BIRC6: variants seen among roughly 807,000 people sequenced by gnomAD.
BIRC6 encodes baculoviral IAP repeat containing 6.
A neutral mutation model predicts 503.3 loss-of-function variants in BIRC6; 98 were observed. That is an observed-to-expected ratio of 0.19 (90% CI 0.17 to 0.23). The LOEUF (loss-of-function observed/expected upper bound fraction) is 0.23. Ranked by LOEUF, BIRC6 falls within the 10% of genes least tolerant of loss-of-function variation. BIRC6 has a pLI of 1.00. For synonymous variants in BIRC6, 2,240 were observed against 2,078.7 expected, an observed-to-expected ratio of 1.08 and a Z score of -2.11; for missense variants, 5,360 against 5,806.0, an observed-to-expected ratio of 0.92 and a Z score of 2.50.
chr2:32,460,272 A>ATATATATAT (rs1278940587), intron 23 of BIRC6, among the ~76,000 whole-genome samples: 1 of 18,820 alleles, frequency 5.3e-5, no homozygotes, highest in African/African-American at 1.8e-4. Flanking sequence ...ATATATATAT[A>ATATATATAT]TTTTTTTTTT....
At chr2:32,448,407 G>A (rs1261902649) in intron 21 of BIRC6, among the ~76,000 whole-genome samples, 1 of 149,690 alleles carries the variant, frequency 6.7e-6, no homozygotes, top group South Asian at 2.1e-4. Flanking sequence ...CCGGCACCTC[G>A]GGAGGCCGAG....
At chr2:32,468,209 C>T (rs948941831) in intron 28 of BIRC6, 98 bp downstream of exon 28, 3 of 1,256,832 alleles carry the variant, frequency 2.4e-6, no homozygotes, top group African/African-American at 3.0e-5. Context: ...CATAGGTGTA[C>T]AGATAAGAGA....
chr2:32,457,160 A>G (rs1366924186), intron 23 of BIRC6, among the ~76,000 whole-genome samples: 3 of 152,272 alleles, frequency 2.0e-5, no homozygotes, highest in East Asian at 1.9e-4. Flanking sequence ...TTTGTATGGT[A>G]TATATTTTTC....
At chr2:32,534,730 CAAAAAAAAAAAAAAA>C (rs770672789) in intron 61 of BIRC6, among the ~76,000 whole-genome samples, 2 of 22,320 alleles carry the variant, frequency 9.0e-5, no homozygotes, top group East Asian at 2.7e-3. Context: ...GACTCTGTCT[CAAAAAAAAAAAAAAA>C]AAAAAAAAAA....
Position 32,607,543 on chromosome 2 carries a change from G to T in BIRC6, c.14159G>T (p.Gly4720Val). The change falls in exon 72 of 74, where the codon GGC (glycine) becomes GTC (valine). Residue 4720 changes from glycine (G) to valine (V), a missense_variant. This residue lies in a region of BIRC6 where 40 missense variants were observed against 53.4 expected (regional missense o/e 0.75). Coordinates refer to ENST00000421745, the MANE Select transcript of BIRC6 (RefSeq NM_016252.4). ...GAACGGTCTAGAGGCACTCCCAGTGGCACACAGAGTTCTCGAGAATATGAT... is the reference window on the plus strand; with the variant it reads ...GAACGGTCTAGAGGCACTCCCAGTGTCACACAGAGTTCTCGAGAATATGAT... ...GYERSRGTPS[G>V]TQSSREYDGN... is the part of the protein sequence containing the mutation. The T allele has an allele frequency of 6.2e-7, 1 of 1,613,756 alleles. No individual in the cohort carries two copies. The highest frequency in any genetic ancestry group is 8.5e-7 in the Non-Finnish European group (1 of 1,179,750).
intron 66 of BIRC6, among the ~76,000 whole-genome samples, chr2:32,575,592 G>C (rs935532138): frequency 6.6e-6 from 1 of 151,866 alleles, no homozygotes; most frequent in Non-Finnish European, 1.5e-5. Context: ...GTGAAACCCC[G>C]TCTCTACTAA....
At chr2:32,555,182 A>C (rs1005754362) in intron 65 of BIRC6, among the ~76,000 whole-genome samples, 1 of 152,174 alleles carries the variant, frequency 6.6e-6, no homozygotes, top group Non-Finnish European at 1.5e-5. Flanking sequence ...GTTCATATGA[A>C]ACTGTCAAAT....
chr2:32,487,716 A>G lies in BIRC6; in HGVS notation c.7883A>G (p.Gln2628Arg). Residue 2628 changes from glutamine to arginine, a missense_variant, in exon 41 of 74, where the codon CAG (glutamine) becomes CGG (arginine). Coordinates refer to ENST00000421745, the MANE Select transcript of BIRC6 (RefSeq NM_016252.4). ...TTACAAGCAGCAAACCAAACCAGCC[A>G]GCTTATTATACAGTTATCATCTGTC... ...GGLQAANQTS[Q>R]LIIQLSSVPM... 2 of 1,613,696 alleles carry G rather than the reference A, an allele frequency of 1.2e-6. No individual in the cohort carries two copies. Among genetic ancestry groups the G allele is most frequent in the Non-Finnish European group, 1.7e-6 (2 of 1,179,686 alleles).
At chr2:32,463,869 G>T (rs115710743) in intron 24 of BIRC6, among the ~76,000 whole-genome samples, 1 of 152,160 alleles carries the variant, frequency 6.6e-6, no homozygotes, top group Non-Finnish European at 1.5e-5. Context: ...AGATGTGAGC[G>T]GTGGGCAAGC....
At chr2:32,400,653 T>TA (rs892833829) in intron 6 of BIRC6, among the ~76,000 whole-genome samples, 5 of 152,282 alleles carry the variant, frequency 3.3e-5, no homozygotes, top group Admixed American at 6.5e-5. Context: ...AGATCTTTAC[T>TA]AAAAAACTTT....
chr2:32,476,671 A>G (rs1008276206), intron 34 of BIRC6, among the ~76,000 whole-genome samples: 5 of 152,136 alleles, frequency 3.3e-5, no homozygotes, highest in African/African-American at 1.2e-4. Flanking sequence ...GATGATTGCA[A>G]ATATTATTGT....
In BIRC6 at chr2:32,509,955, C is replaced by T; in HGVS notation, c.10198C>T (p.Leu3400Phe). The T allele has an allele frequency of 6.2e-7, 1 of 1,613,976 alleles. No homozygotes were observed. The highest frequency in any genetic ancestry group is 8.5e-7 in the Non-Finnish European group (1 of 1,179,884). Residue 3400 changes from leucine (L) to phenylalanine (F), a missense_variant, in exon 52 of 74, where the codon CTC becomes TTC. This residue lies in a region of BIRC6 where 878 missense variants were observed against 928.9 expected (regional missense o/e 0.95). Coordinates refer to ENST00000421745, the MANE Select transcript of BIRC6 (RefSeq NM_016252.4). ...TRIGLKLIDI[L>F]LRNCAASGSD... ...AATTGGCCTGAAGCTCATAGACATT[C>T]TCCTGAGAAATTGTGCAGCATCAGG...
chr2:32,545,159 G>A (rs1341178349), intron 62 of BIRC6, among the ~76,000 whole-genome samples: 1 of 152,002 alleles, frequency 6.6e-6, no homozygotes, highest in African/African-American at 2.4e-5. Context: ...ATTGTCTCGT[G>A]TACCATCCAT....
At chr2:32,514,873 C>A in intron 54 of BIRC6, 117 bp from the exon 55 acceptor site, 2 of 734,410 alleles carry the variant, frequency 2.7e-6, no homozygotes, top group Non-Finnish European at 4.4e-6. Context: ...TTTTATTATT[C>A]AATGTCAAAT....
rs200966682 is a variant in BIRC6, at chr2:32,397,662, GTATA to G, written c.1034+2078_1034+2081del. 4.3e-5 allele frequency among the ~76,000 whole-genome samples: 6 copies of G among 138,762 alleles called. No homozygotes were observed. The East Asian group carries it at 6.6e-4, about 15-fold the overall frequency. 91.0% of individuals were successfully genotyped at this position (138,762 alleles called of 152,430 possible). A position where few individuals can be genotyped will look rare whatever the true frequency, so the allele number is the denominator to read the frequency against. On this transcript the variant is annotated intron_variant, in intron 6 of 73. Coordinates refer to ENST00000421745, the MANE Select transcript of BIRC6 (RefSeq NM_016252.4). ...TATACACACACACACACATATATGTGTATATATATATACACACACACATATATAT... is the reference window on the plus strand; with the variant it reads ...TATACACACACACACACATATATGTGTATATATACACACACACATATATAT...
At chr2:32,533,862 T>C (rs965370482) in intron 61 of BIRC6, among the ~76,000 whole-genome samples, 1 of 152,198 alleles carries the variant, frequency 6.6e-6, no homozygotes, top group Non-Finnish European at 1.5e-5. Context: ...CTCTGGAATT[T>C]TAAAATAATA....
intron 10 of BIRC6, among the ~76,000 whole-genome samples, chr2:32,425,427 G>A (rs2147801849): frequency 6.8e-6 from 1 of 147,982 alleles, no homozygotes; most frequent in Non-Finnish European, 1.5e-5. Flanking sequence ...TATGCTTTCT[G>A]GTAATTCTTT....
At chr2:32,456,523 A>G (rs938566368) in intron 23 of BIRC6, among the ~76,000 whole-genome samples, 3 of 152,204 alleles carry the variant, frequency 2.0e-5, no homozygotes, top group Non-Finnish European at 4.4e-5. Flanking sequence ...ACTGCTTCAT[A>G]GGGTATTCAT....
chr2:32,445,453 T>C, intron 20 of BIRC6, 68 bp from the exon 21 acceptor site: 3 of 1,364,314 alleles, frequency 2.2e-6, no homozygotes, highest in Non-Finnish European at 2.0e-6. Flanking sequence ...AAATAGGTAA[T>C]CTTAAATTCT....
Sources: allele counts gnomAD v4.1 joint callset (sites outside exome capture counted in the v4.1 genomes callset), GRCh38; gene constraint gnomAD v4.1.1; regional missense constraint gnomAD v4.1.1; transcripts MANE v1.5; gene names NCBI Gene and HGNC (gene_info 2026-07-23, HGNC 2026-07-21).